The following PGBD1 variants were observed in gnomAD, a reference collection of about 807,000 sequenced individuals.
The protein encoded by PGBD1 is piggyBac transposable element-derived protein 1.
A neutral mutation model predicts 34.7 loss-of-function variants in PGBD1; 25 were observed. That is an observed-to-expected ratio of 0.72 (90% confidence interval 0.52 to 1.00). PGBD1 has a LOEUF of 1.00. Among genes scored for constraint, PGBD1 ranks in the 50% least tolerant of loss-of-function variants. PGBD1 has a pLI of 0.00. For missense variants in PGBD1, 830 were observed against 959.4 expected, an observed-to-expected ratio of 0.87 and a Z score of 1.78; for synonymous variants, 292 against 335.7, an observed-to-expected ratio of 0.87 and a Z score of 1.42.
chr6:28,300,925 C>G lies in PGBD1; in HGVS notation c.1071C>G (p.Leu357=), dbSNP rs1224673542. ...KARVSELLQG[L]SFSGDSDVEK... is the part of the protein sequence containing the mutation. ...GAGTGAGTGAACTGCTCCAAGGCCTCTCATTCTCTGGTGACTCAGATGTGG... is the reference window on the plus strand; with the variant it reads ...GAGTGAGTGAACTGCTCCAAGGCCTGTCATTCTCTGGTGACTCAGATGTGG... The change falls in exon 7 of 7, where the codon CTC becomes CTG. Residue 357 remains leucine (L), a synonymous_variant. Transcript: ENST00000682144. The surrounding 1 kb of genome is among the most constrained non-coding windows in gnomAD (Gnocchi z 4.0). 6.2e-7 allele frequency: 1 copy of G among 1,614,012 alleles called. No individual in the cohort carries two copies. The highest frequency in any genetic ancestry group is 1.7e-5 in the Admixed American group (1 of 59,986).
At position 28,301,607 on chromosome 6, in the gene PGBD1, C is replaced by T. The variant is rs1209189252; in HGVS notation, c.1753C>T (p.Pro585Ser). The change falls in exon 7 of 7, where the codon CCC becomes TCC. Residue 585 changes from proline to serine, a missense_variant. By Grantham distance (74) the Pro-to-Ser change is moderately conservative. Around this residue, in one of 3 missense-constraint regions of PGBD1, gnomAD observed 372 missense variants for 427.9 expected, o/e 0.87. Coordinates refer to ENST00000682144, the MANE Select transcript of PGBD1 (RefSeq NM_032507.4). ...TTQGYLVWFE[P>S]YQEESTMKVD... ...ACAGGGTTATCTGGTTTGGTTTGAA[C>T]CCTATCAAGAAGAATCAACTATGAA... 4 of 1,613,984 alleles carry T rather than the reference C, an allele frequency of 2.5e-6. No homozygotes were observed.
chr6:28,290,389 C>A (rs1289320703), intron 4 of PGBD1, among the ~76,000 whole-genome samples: 1 of 152,154 alleles, frequency 6.6e-6, no homozygotes, highest in Non-Finnish European at 1.5e-5. Context: ...AGACACCATG[C>A]CCGGCTGTAT....
At position 28,300,613 on chromosome 6, in the gene PGBD1, AT is replaced by A. The variant is rs979257205; in HGVS notation, c.870-110del. ...GGAAACTTAAGAGAAATAAGTAAGT[AT>A]CCCCCCACACCCACCCCAAGCCCCA... On this transcript the variant is annotated intron_variant, in intron 6 of 6. Coordinates refer to ENST00000682144, the MANE Select transcript of PGBD1 (RefSeq NM_032507.4). The surrounding 1 kb of genome is among the most constrained non-coding windows in gnomAD (Gnocchi z 4.0). The A allele has an allele frequency of 8.1e-7, 1 of 1,237,420 alleles. No individual in the cohort carries two copies. Among genetic ancestry groups the A allele is most frequent in the Non-Finnish European group, 1.1e-6 (1 of 904,792 alleles). The allele number at this position is 1,237,420 out of a possible 1,614,324, so 76.7% of individuals were successfully genotyped here.
intron 3 of PGBD1, 77 bp from the exon 4 acceptor site, chr6:28,287,003 A>G (rs1307294857): frequency 1.4e-5 from 15 of 1,085,852 alleles, no homozygotes; most frequent in African/African-American, 1.6e-5. Flanking sequence ...CATTTGGGGG[A>G]AAAGGCTGGG....
rs1202235946 is a variant in PGBD1 at position 28,286,937 on chromosome 6, C to A, written c.554-143C>A. The stretch of plus-strand genomic sequence containing the variant: ...TGACAGAATGAAAGCAGTTGTGATG[C>A]TCTTTCTCACACTGTAAAATCTACG... On this transcript the variant is annotated intron_variant, in intron 3 of 6. Transcript: ENST00000682144. 21 of 655,418 alleles carry A rather than the reference C, an allele frequency of 3.2e-5. No homozygotes were observed. The East Asian group carries it at 5.5e-4, about 17-fold the overall frequency. 40.6% of individuals were successfully genotyped at this position (655,418 alleles called of 1,614,324 possible).
chr6:28,301,657 G>T lies in PGBD1; in HGVS notation c.1803G>T (p.Gly601=). The T allele has an allele frequency of 6.2e-7, 1 of 1,614,172 alleles. No homozygotes were observed. Among genetic ancestry groups the T allele is most frequent in the Non-Finnish European group, 8.5e-7 (1 of 1,180,024 alleles). ...TMKVDEDPDL[G]LGGNLVMNFA... ...AGGTAGATGAGGATCCTGATCTTGG[G>T]TTAGGTGGAAATCTAGTGATGAACT... Residue 601 remains glycine, a synonymous_variant, in exon 7 of 7, where the codon GGG becomes GGT. Coordinates refer to ENST00000682144, the MANE Select transcript of PGBD1 (RefSeq NM_032507.4).
intron 4 of PGBD1, among the ~76,000 whole-genome samples, chr6:28,288,531 A>G (rs1762354945): frequency 6.6e-6 from 1 of 152,156 alleles, no homozygotes; most frequent in African/African-American, 2.4e-5. Flanking sequence ...CTTGGAGCTG[A>G]GCAAGAGCAA....
chr6:28,302,290 A>G lies in PGBD1; in HGVS notation c.*6A>G, dbSNP rs1762873951. On this transcript the variant is annotated 3_prime_UTR_variant, in exon 7 of 7. Transcript: ENST00000682144. ...ATGCTCATCTGTCAGATTAGGGTAC[A>G]TAAAATGGACATAGTGCAGACATTA... The G allele has an allele frequency of 1.9e-6, 3 of 1,603,822 alleles. No homozygotes were observed. The highest frequency in any genetic ancestry group is 2.2e-5 in the East Asian group (1 of 44,676).
chr6:28,298,081 T>A, intron 6 of PGBD1, 90 bp downstream of exon 6: 1 of 878,542 alleles, frequency 1.1e-6, no homozygotes, highest in Non-Finnish European at 1.8e-6. Flanking sequence ...AAGGCCTGCT[T>A]CTCTGGAATA....
In PGBD1 at chr6:28,302,206, T is replaced by G; in HGVS notation, c.2352T>G (p.Gly784=). Residue 784 remains glycine (G), a synonymous_variant, in exon 7 of 7, where the codon GGT becomes GGG. Coordinates refer to ENST00000682144, the MANE Select transcript of PGBD1 (RefSeq NM_032507.4). ...AWQLHRACNP[G]ASLDPLDFRR... is the part of the protein sequence containing the mutation. ...AACTACACAGAGCCTGTAACCCAGG[T>G]GCTTCTCTAGACCCCTTGGATTTTC... The G allele has an allele frequency of 6.2e-7, 1 of 1,614,148 alleles. No individual in the cohort carries two copies. Among genetic ancestry groups the G allele is most frequent in the Admixed American group, 1.7e-5 (1 of 60,022 alleles).
chr6:28,284,249 G>A, intron 2 of PGBD1, 40 bp downstream of exon 2: 6 of 1,452,740 alleles, frequency 4.1e-6, no homozygotes, highest in Non-Finnish European at 4.6e-6. Flanking sequence ...GAGAAGAAAA[G>A]GGGGACATGT....
At position 28,297,953 on chromosome 6, in the gene PGBD1, A is replaced by G; in HGVS notation, c.831A>G (p.Glu277=). ...LFKAKQETSE[E]MEQSGEASGK... ...AAGCAAAGCAAGAAACTTCTGAAGA[A>G]ATGGAACAAAGTGGAGAAGCCTCAG... The change falls in exon 6 of 7, where the codon GAA becomes GAG. Residue 277 remains glutamate (E), a synonymous_variant. Coordinates refer to ENST00000682144, the MANE Select transcript of PGBD1 (RefSeq NM_032507.4). 1 of 1,611,658 alleles carries G rather than the reference A, an allele frequency of 6.2e-7. No homozygotes were observed. Among genetic ancestry groups the G allele is most frequent in the Non-Finnish European group, 8.5e-7 (1 of 1,178,682 alleles).
At chr6:28,288,136 T>TGC (rs1291309490) in intron 4 of PGBD1, among the ~76,000 whole-genome samples, 1 of 152,116 alleles carries the variant, frequency 6.6e-6, no homozygotes, top group African/African-American at 2.4e-5. Context: ...GAAACTAGTA[T>TGC]TGAGTCAGAT....
chr6:28,295,703 C>T (rs1300278006), intron 4 of PGBD1, among the ~76,000 whole-genome samples: 1 of 152,176 alleles, frequency 6.6e-6, no homozygotes, highest in East Asian at 1.9e-4. Flanking sequence ...GATTAATAGA[C>T]TACATAGTAT....
In PGBD1 at chr6:28,300,709, T is replaced by A; in HGVS notation, c.870-15T>A. On this transcript the variant is annotated splice_polypyrimidine_tract_variant and intron_variant, in intron 6 of 6. Coordinates refer to ENST00000682144, the MANE Select transcript of PGBD1 (RefSeq NM_032507.4). The surrounding 1 kb of genome is among the most constrained non-coding windows in gnomAD (Gnocchi z 4.0). ...ATTGAGGATTTTTATAACATGTTCT[T>A]TTTTTCTTTCCCAGAGAGTGTGCAC... is the stretch of plus-strand genomic sequence containing the variant. 6.4e-7 allele frequency: 1 copy of A among 1,555,712 alleles called. No individual in the cohort carries two copies. Among genetic ancestry groups the A allele is most frequent in the Non-Finnish European group, 8.6e-7 (1 of 1,161,106 alleles).
At chr6:28,296,431 T>C (rs1762634357) in intron 4 of PGBD1, among the ~76,000 whole-genome samples, 1 of 152,230 alleles carries the variant, frequency 6.6e-6, no homozygotes. Flanking sequence ...CTTCTCTAAC[T>C]TTCTTGAATT....
chr6:28,284,824 C>T (rs895783258), intron 2 of PGBD1, among the ~76,000 whole-genome samples: 3 of 152,146 alleles, frequency 2.0e-5, no homozygotes, highest in Admixed American at 1.3e-4. Flanking sequence ...CCTGGCTATT[C>T]GGTGTGTATT....
At chr6:28,298,170 T>C (rs1762716865) in intron 6 of PGBD1, among the ~76,000 whole-genome samples, 179 bp downstream of exon 6, 1 of 152,186 alleles carries the variant, frequency 6.6e-6, no homozygotes, top group South Asian at 2.1e-4. Context: ...ATTTTCAATA[T>C]GCAATAAATA....
intron 4 of PGBD1, among the ~76,000 whole-genome samples, chr6:28,288,344 T>C (rs1004461065): frequency 2.6e-5 from 4 of 152,204 alleles, no homozygotes; most frequent in African/African-American, 7.2e-5. Context: ...GGGTAATTTA[T>C]TTTAAAAAGA....
Sources: gnomAD v4.1 joint callset for allele counts (sites outside exome capture counted in the v4.1 genomes callset) on GRCh38, gnomAD v4.1.1 for gene constraint, gnomAD v4.1.1 regional missense constraint, Gnocchi (gnomAD v3.1) non-coding constraint, MANE v1.5 for transcripts, NCBI Gene and HGNC (gene_info 2026-07-23, HGNC 2026-07-21) for gene names.